Variants in ZMYM1 observed in about 807,000 individuals in gnomAD.
ZMYM1 encodes the protein zinc finger MYM-type protein 1.
In ZMYM1, 39 loss-of-function variants were observed where a neutral mutation model predicts 60.0. That is an observed-to-expected ratio of 0.65 (90% CI 0.50 to 0.85). The LOEUF (loss-of-function observed/expected upper bound fraction) is 0.85, where lower values mean the gene tolerates loss of function less well. ZMYM1 is among the 40% of genes least tolerant of loss of function. The pLI is 0.00. For synonymous variants in ZMYM1, 413 were observed against 454.0 expected (o/e 0.91, Z 1.15); for missense variants, 1,171 against 1,309.5 (o/e 0.89, Z 1.63).
chr1:35,097,803 C>A (rs920074295), intron 4 of ZMYM1: 15 of 495,318 alleles, frequency 3.0e-5, no homozygotes, highest in Non-Finnish European at 5.0e-5. Flanking sequence ...CACCACCACG[C>A]CCGGCTAATT....
chr1:35,104,537 AT>A lies in ZMYM1; in HGVS notation c.595-19del. ...GCTTAAATATCAGAGTTTTTACTGA[AT>A]CTTTTTATTAAATCCTAGATTCAGT... On this transcript the variant is annotated intron_variant, in intron 5 of 9. Transcript: ENST00000359858. 1 of 1,612,924 alleles carries A rather than the reference AT, an allele frequency of 6.2e-7. No homozygotes were observed. Among genetic ancestry groups the A allele is most frequent in the Non-Finnish European group, 8.5e-7 (1 of 1,179,064 alleles).
At chr1:35,103,107 T>A (rs1159348581) in intron 4 of ZMYM1, among the ~76,000 whole-genome samples, 1 of 152,220 alleles carries the variant, frequency 6.6e-6, no homozygotes, top group African/African-American at 2.4e-5. Flanking sequence ...TTTTCCAAAT[T>A]CATTGAAGTG....
chr1:35,096,860 C>G (rs1207938322), intron 3 of ZMYM1, among the ~76,000 whole-genome samples: 1 of 152,136 alleles, frequency 6.6e-6, no homozygotes, highest in East Asian at 1.9e-4. Flanking sequence ...TCACCATGCC[C>G]AGCTAATTTT....
At chr1:35,087,287 C>T (rs536710275) in intron 1 of ZMYM1, among the ~76,000 whole-genome samples, 4 of 151,742 alleles carry the variant, frequency 2.6e-5, no homozygotes, top group South Asian at 2.1e-4. Context: ...CCACTGTGCC[C>T]GCCCAAAAAT....
chr1:35,064,292 C>CAAAAAAAAAAAAAAA (rs371084383), intron 1 of ZMYM1, among the ~76,000 whole-genome samples: 1 of 54,514 alleles, frequency 1.8e-5, no homozygotes. Context: ...GATCCTGTCT[C>CAAAAAAAAAAAAAAA]AAAAAAAAAA....
At chr1:35,069,382 T>G (rs568870279) in intron 1 of ZMYM1, among the ~76,000 whole-genome samples, 1 of 152,224 alleles carries the variant, frequency 6.6e-6, no homozygotes, top group Non-Finnish European at 1.5e-5. Flanking sequence ...GCCATTTGAA[T>G]TAATTCTTTT....
chr1:35,106,884 C>T (rs558012631), intron 6 of ZMYM1, among the ~76,000 whole-genome samples: 2 of 151,498 alleles, frequency 1.3e-5, no homozygotes, highest in East Asian at 2.0e-4. Flanking sequence ...CGGAGTCTCG[C>T]TCTGTCGCCC....
Position 35,113,248 on chromosome 1 carries a change from A to C in ZMYM1, c.1418A>C (p.Asp473Ala). ...DFECLENSKK[D>A]VAFCYSCQLF... ...GAGTGTTTGGAAAACAGTAAAAAAGATGTGGCATTCTGTTATTCATGCCAG... is the reference window on the plus strand; with the variant it reads ...GAGTGTTTGGAAAACAGTAAAAAAGCTGTGGCATTCTGTTATTCATGCCAG... Residue 473 changes from aspartate to alanine, a missense_variant, in exon 10 of 10, where the codon GAT becomes GCT. Asp to Ala is a moderately radical substitution (Grantham distance 126). Transcript: ENST00000359858. 1 of 1,613,288 alleles carries C rather than the reference A, an allele frequency of 6.2e-7. No homozygotes were observed. The highest frequency in any genetic ancestry group is 8.5e-7 in the Non-Finnish European group (1 of 1,179,278).
At chr1:35,062,456 T>C (rs1485285770) in intron 1 of ZMYM1, among the ~76,000 whole-genome samples, 1 of 152,244 alleles carries the variant, frequency 6.6e-6, no homozygotes, top group African/African-American at 2.4e-5. Flanking sequence ...TTCTATTGAC[T>C]CTTATTTCTC....
chr1:35,098,823 C>G (rs1367180443), intron 4 of ZMYM1, among the ~76,000 whole-genome samples: 1 of 151,996 alleles, frequency 6.6e-6, no homozygotes, highest in Non-Finnish European at 1.5e-5. Flanking sequence ...AGGACAATTG[C>G]TTGAACCCGG....
intron 1 of ZMYM1, among the ~76,000 whole-genome samples, chr1:35,085,285 G>C (rs891536288): frequency 6.6e-6 from 1 of 152,116 alleles, no homozygotes; most frequent in Non-Finnish European, 1.5e-5. Context: ...CTGACCTTGT[G>C]ATCCACCCGC....
chr1:35,082,045 A>C (rs1358252843), intron 1 of ZMYM1, among the ~76,000 whole-genome samples: 1 of 152,216 alleles, frequency 6.6e-6, no homozygotes, highest in East Asian at 1.9e-4. Context: ...GATTCTTTTG[A>C]ATTTTCTTTG....
At chr1:35,092,309 T>C (rs1396526275) in intron 1 of ZMYM1, among the ~76,000 whole-genome samples, 2 of 152,080 alleles carry the variant, frequency 1.3e-5, no homozygotes, top group African/African-American at 4.8e-5. Context: ...CTCAGTTCAC[T>C]GCAGCCTCCG....
Position 35,104,324 on chromosome 1 carries a change from G to A in ZMYM1, c.449G>A (p.Ser150Asn). The stretch of plus-strand genomic sequence containing the variant: ...ATTTTAAATCCAAAGGATGTGATTA[G>A]TGTCCAGCTGGAAGACACTACCTCT... Reference protein sequence around the residue: ...KDILNPKDVISVQLEDTTSCK... With the variant: ...KDILNPKDVINVQLEDTTSCK... The change falls in exon 5 of 10, where the codon AGT (serine) becomes AAT (asparagine). Residue 150 changes from serine to asparagine, a missense_variant. Coordinates refer to ENST00000359858, the MANE Select transcript of ZMYM1 (RefSeq NM_024772.5). 1 of 1,602,312 alleles carries A rather than the reference G, an allele frequency of 6.2e-7. No individual in the cohort carries two copies. The highest frequency in any genetic ancestry group is 1.3e-5 in the African/African-American group (1 of 74,096).
Position 35,114,445 on chromosome 1 carries a change from C to T in ZMYM1, c.2615C>T (p.Thr872Ile), listed in dbSNP as rs574578809. ...TTCCTGTATCGAGTGCTGAGTGTTA[C>T]AGGAATTCTTTCCAAAGAGCTTCAA... ...LKFLYRVLSVTGILSKELQNK... is the reference protein window; with the variant it reads ...LKFLYRVLSVIGILSKELQNK... Residue 872 changes from threonine (T) to isoleucine (I), a missense_variant, in exon 10 of 10, where the codon ACA becomes ATA. Physicochemically the swap from Thr to Ile is moderately conservative, Grantham distance 89. Coordinates refer to ENST00000359858, the MANE Select transcript of ZMYM1 (RefSeq NM_024772.5). 1.4e-4 allele frequency: 233 copies of T among 1,613,386 alleles called. 2 individuals are homozygous for T. The South Asian group carries it at 2.1e-3, about 15-fold the overall frequency.
chr1:35,102,384 A>G (rs1463467503), intron 4 of ZMYM1, among the ~76,000 whole-genome samples: 1 of 152,146 alleles, frequency 6.6e-6, no homozygotes, highest in African/African-American at 2.4e-5. Flanking sequence ...GTAATATGCT[A>G]TTGTAGTTTG....
In ZMYM1 at chr1:35,110,936, AAAT is replaced by A. The variant is rs1173398367; in HGVS notation, c.961+501_961+503del. ...GTGACAGAGTGAGACTCCATCTCAA[AAAT>A]AATAATAATAAAAATTAAAAGATAC... On this transcript the variant is annotated intron_variant, in intron 7 of 9. Coordinates refer to ENST00000359858, the MANE Select transcript of ZMYM1 (RefSeq NM_024772.5). Among the ~76,000 whole-genome samples, 3 of 152,190 alleles carry A rather than the reference AAAT, an allele frequency of 2.0e-5. No individual in the cohort carries two copies. The East Asian group carries it at 5.8e-4, about 29-fold the overall frequency.
chr1:35,118,109 T>TGG (rs1048532478), downstream of ZMYM1, among the ~76,000 whole-genome samples: 1 of 151,344 alleles, frequency 6.6e-6, no homozygotes, highest in Non-Finnish European at 1.5e-5. Flanking sequence ...GGTGTGGTGG[T>TGG]GGGTGCCTGT....
chr1:35,060,143 GTTATTATTA>G (rs144363831), intron 1 of ZMYM1, among the ~76,000 whole-genome samples: 303 of 144,096 alleles, frequency 2.1e-3, no homozygotes, highest in Middle Eastern at 7.3e-3. Flanking sequence ...ACTATTTGTT[GTTATTATTA>G]TTATTATTAT....
Sources: gnomAD v4.1 joint callset for allele counts (sites outside exome capture counted in the v4.1 genomes callset) on GRCh38, gnomAD v4.1.1 for gene constraint, MANE v1.5 for transcripts, NCBI Gene and HGNC (gene_info 2026-07-23, HGNC 2026-07-21) for gene names.